The following MUSK variants were observed in gnomAD, a reference collection of about 807,000 sequenced individuals.
MUSK encodes the protein muscle, skeletal receptor tyrosine-protein kinase.
In MUSK, 55 loss-of-function variants were observed where a neutral mutation model predicts 88.7. The ratio of observed to expected loss-of-function variants is 0.62; its 90% confidence interval spans 0.50 to 0.78. MUSK has a LOEUF of 0.78. MUSK is among the 30% of genes least tolerant of loss of function. The probability of loss-of-function intolerance (pLI) is 0.00; values close to 1 mark genes in which losing one functional copy is unlikely to be tolerated. For synonymous variants in MUSK, 387 were observed against 391.9 expected, an observed-to-expected ratio of 0.99 and a Z score of 0.15; for missense variants, 1,015 against 1,074.3, an observed-to-expected ratio of 0.94 and a Z score of 0.77.
intron 1 of MUSK, among the ~76,000 whole-genome samples, chr9:110,674,875 T>G (rs2076004560): frequency 6.6e-6 from 1 of 152,004 alleles, no homozygotes; most frequent in South Asian, 2.1e-4. Context: ...GCCTCAAAAG[T>G]GCTGGGATTA....
chr9:110,751,563 G>A (rs908638485), intron 7 of MUSK, among the ~76,000 whole-genome samples: 3 of 152,212 alleles, frequency 2.0e-5, no homozygotes, highest in Non-Finnish European at 4.4e-5. Flanking sequence ...ATGAAGAGCA[G>A]TTATCTCTGT....
intron 8 of MUSK, among the ~76,000 whole-genome samples, chr9:110,763,594 C>T (rs1341633151): frequency 6.6e-6 from 1 of 152,172 alleles, no homozygotes; most frequent in Non-Finnish European, 1.5e-5. Flanking sequence ...AGCACAGAAT[C>T]TGTCATTACC....
chr9:110,747,002 A>G (rs193010980), intron 6 of MUSK, among the ~76,000 whole-genome samples: 1 of 152,318 alleles, frequency 6.6e-6, no homozygotes, highest in Non-Finnish European at 1.5e-5. Flanking sequence ...GAGGATCCAC[A>G]CCGTATATAA....
chr9:110,674,003 C>T (rs929371373), intron 1 of MUSK, among the ~76,000 whole-genome samples: 5 of 151,994 alleles, frequency 3.3e-5, no homozygotes, highest in African/African-American at 4.8e-5. Flanking sequence ...ATCTTCCAAA[C>T]GTCATGTGTG....
At chr9:110,739,153 TG>T (rs1439884932) in intron 6 of MUSK, among the ~76,000 whole-genome samples, 1 of 152,128 alleles carries the variant, frequency 6.6e-6, no homozygotes, top group Admixed American at 6.6e-5. Context: ...ATTGCAAGTG[TG>T]TTAGAGTCCC....
At chr9:110,758,565 G>A (rs1473633608) in intron 7 of MUSK, among the ~76,000 whole-genome samples, 1 of 152,114 alleles carries the variant, frequency 6.6e-6, no homozygotes, top group African/African-American at 2.4e-5. Flanking sequence ...AGAAGCCCTG[G>A]CCATAGCAAT....
rs1314763764 is a variant in MUSK at position 110,804,881 on chromosome 9, AATAG to A, written c.*3904_*3907del. Among the ~76,000 whole-genome samples the A allele has an allele frequency of 6.6e-6, 1 of 151,910 alleles. No individual in the cohort carries two copies. Among genetic ancestry groups the A allele is most frequent in the African/African-American group, 2.4e-5 (1 of 41,438 alleles). On this transcript the variant is annotated 3_prime_UTR_variant, in exon 15 of 15. Transcript: ENST00000374448. ...AGGTAGGTAAGTAGGTTGGTAGGTA[AATAG>A]ATAGATAGATGATACATAGAGAGAG... is the stretch of plus-strand genomic sequence containing the variant.
chr9:110,713,049 A>C (rs557660750), intron 5 of MUSK, among the ~76,000 whole-genome samples: 2 of 152,226 alleles, frequency 1.3e-5, no homozygotes, highest in African/African-American at 4.8e-5. Flanking sequence ...GGATCATATC[A>C]CATTGAGGGA....
chr9:110,776,025 A>G (rs1333830436), intron 10 of MUSK, 62 bp downstream of exon 10: 1 of 1,509,390 alleles, frequency 6.6e-7, no homozygotes, highest in Non-Finnish European at 8.9e-7. Context: ...TGAAGAAACT[A>G]AGGTGTGAAC....
Position 110,802,115 on chromosome 9 carries a change from G to A in MUSK, c.*1127G>A, listed in dbSNP as rs533631802. On this transcript the variant is annotated 3_prime_UTR_variant, in exon 15 of 15. Transcript: ENST00000374448. The stretch of plus-strand genomic sequence containing the variant: ...CAAAACTGATATTTCTGTGCATTCT[G>A]ACATTTTATTCCTTTTAGAAACAAA... 6.6e-6 allele frequency among the ~76,000 whole-genome samples: 1 copy of A among 152,126 alleles called. No individual in the cohort carries two copies. The highest frequency in any genetic ancestry group is 1.9e-4 in the East Asian group (1 of 5,172).
chr9:110,668,820 A>T lies in MUSK; in HGVS notation c.-85A>T. The T allele has an allele frequency of 9.4e-7, 1 of 1,063,084 alleles. No individual in the cohort carries two copies. Among genetic ancestry groups the T allele is most frequent in the Non-Finnish European group, 1.5e-6 (1 of 686,680 alleles). The allele number at this position is 1,063,084 out of a possible 1,614,324, so 65.9% of individuals were successfully genotyped here. ...ATTAGCAGACAACCCTTTTGCAACA[A>T]AGTATGCTTTAAAATGTAAACTGTG... On this transcript the variant is annotated 5_prime_UTR_variant, in exon 1 of 15. Coordinates refer to ENST00000374448, the MANE Select transcript of MUSK (RefSeq NM_005592.4).
intron 5 of MUSK, among the ~76,000 whole-genome samples, chr9:110,708,097 T>C (rs1437227910): frequency 7.8e-6 from 1 of 127,858 alleles, no homozygotes; most frequent in Non-Finnish European, 1.8e-5. Context: ...AATTCCTATC[T>C]ATCTATCTAT....
intron 5 of MUSK, among the ~76,000 whole-genome samples, chr9:110,732,057 T>G (rs758831473): frequency 7.2e-5 from 11 of 152,156 alleles, no homozygotes; most frequent in Non-Finnish European, 1.3e-4. Flanking sequence ...TCTGCTCATC[T>G]TCAGCCAGAA....
chr9:110,802,986 A>G lies in MUSK; in HGVS notation c.*1998A>G, dbSNP rs1410100600. Among the ~76,000 whole-genome samples the G allele has an allele frequency of 1.3e-5, 2 of 152,234 alleles. No individual in the cohort carries two copies. Among genetic ancestry groups the G allele is most frequent in the Non-Finnish European group, 2.9e-5 (2 of 68,038 alleles). On this transcript the variant is annotated 3_prime_UTR_variant, in exon 15 of 15. Coordinates refer to ENST00000374448, the MANE Select transcript of MUSK (RefSeq NM_005592.4). ...AAAGCAGAAAGTCAAGATGCCAACA[A>G]AGCAGAAAAGTTGGAGAGGGCCACC...
chr9:110,690,172 A>AGAAATATATATT (rs1486308386), intron 3 of MUSK, among the ~76,000 whole-genome samples: 1 of 106,014 alleles, frequency 9.4e-6, no homozygotes, highest in African/African-American at 3.9e-5. Context: ...ATATAAATAT[A>AGAAATATATATT]TAAATATATA....
intron 3 of MUSK, among the ~76,000 whole-genome samples, chr9:110,687,486 C>A (rs1385054281): frequency 6.6e-6 from 1 of 151,950 alleles, no homozygotes; most frequent in East Asian, 1.9e-4. Flanking sequence ...AGGTGCGTGC[C>A]ACCAAGCTCA....
chr9:110,678,101 T>C (rs1259974601), intron 1 of MUSK, among the ~76,000 whole-genome samples: 5 of 152,032 alleles, frequency 3.3e-5, no homozygotes, highest in African/African-American at 1.2e-4. Context: ...ATACTTTATA[T>C]TCCCTATAGC....
intron 5 of MUSK, among the ~76,000 whole-genome samples, chr9:110,718,208 C>T (rs1274476338): frequency 2.6e-5 from 4 of 152,020 alleles, no homozygotes; most frequent in Non-Finnish European, 5.9e-5. Flanking sequence ...CACTATGGTG[C>T]CTTCCTTCCC....
rs550911832 is a variant in MUSK, at chr9:110,697,610, G to A, written c.628+144G>A. ...CAGATATTAGGCCATAAGTTCAAGC[G>A]TATGATAACAGAAAAGGAAAACTGA... On this transcript the variant is annotated intron_variant, in intron 5 of 14. Coordinates refer to ENST00000374448, the MANE Select transcript of MUSK (RefSeq NM_005592.4). 87 of 826,248 alleles carry A rather than the reference G, an allele frequency of 1.1e-4. No individual in the cohort carries two copies. In the Middle Eastern group the frequency reaches 1.1e-3, roughly 10 times the overall value. The allele number at this position is 826,248 out of a possible 1,614,324, so 51.2% of individuals were successfully genotyped here.
Sources: gnomAD v4.1 joint callset for allele counts (sites outside exome capture counted in the v4.1 genomes callset) on GRCh38, gnomAD v4.1.1 for gene constraint, MANE v1.5 for transcripts, NCBI Gene and HGNC (gene_info 2026-07-23, HGNC 2026-07-21) for gene names.